SKAP1: variants seen among roughly 807,000 people sequenced by gnomAD.
SKAP1 encodes src kinase-associated phosphoprotein 1.
Under a neutral mutation model 58.5 loss-of-function variants are expected in SKAP1, and 44 were observed. The ratio of observed to expected loss-of-function variants is 0.75; its 90% CI spans 0.59 to 0.97. The LOEUF (loss-of-function observed/expected upper bound fraction) is 0.97, where lower values mean the gene tolerates loss of function less well. Among genes scored for constraint, SKAP1 ranks in the 50% least tolerant of loss-of-function variants. SKAP1 has a pLI of 0.00. For missense variants in SKAP1, 390 were observed against 435.2 expected (o/e 0.90, Z 0.92); for synonymous variants, 127 against 149.7 (o/e 0.85, Z 1.11).
At chr17:48,411,602 T>C (rs139290613) in intron 1 of SKAP1, among the ~76,000 whole-genome samples, 142 of 152,162 alleles carry the variant, frequency 9.3e-4, no homozygotes, top group Middle Eastern at 3.4e-3. Context: ...CACCTTACAA[T>C]AGAGAAACCT....
At position 48,348,565 on chromosome 17, in the gene SKAP1, C is replaced by T. The variant is rs894233116; in HGVS notation, c.179-2559G>A. On this transcript the variant is annotated intron_variant, in intron 3 of 12. Coordinates refer to ENST00000336915, the MANE Select transcript of SKAP1 (RefSeq NM_003726.4). ...TGTCAACTTCTTACATAATTGAGGT[C>T]TATCTGCCAAAACCAATAAATTAAC... 2.0e-5 allele frequency among the ~76,000 whole-genome samples: 3 copies of T among 152,130 alleles called. No individual in the cohort carries two copies. In the South Asian group the frequency reaches 6.2e-4, roughly 32 times the overall value.
At chr17:48,284,470 T>G (rs1598510061) in intron 4 of SKAP1, among the ~76,000 whole-genome samples, 1 of 152,174 alleles carries the variant, frequency 6.6e-6, no homozygotes, top group African/African-American at 2.4e-5. Flanking sequence ...TGGTGGGTTC[T>G]GCCAATTTCA....
chr17:48,302,004 T>A (rs1443965819), intron 4 of SKAP1, among the ~76,000 whole-genome samples: 1 of 152,230 alleles, frequency 6.6e-6, no homozygotes, highest in South Asian at 2.1e-4. Flanking sequence ...TTATTTTGAT[T>A]TTCTGTTGAG....
chr17:48,338,416 T>A (rs1219495352), intron 4 of SKAP1, among the ~76,000 whole-genome samples: 1 of 152,130 alleles, frequency 6.6e-6, no homozygotes, highest in African/African-American at 2.4e-5. Flanking sequence ...CCTCTCAAAG[T>A]TCTGGGATTA....
chr17:48,413,543 T>TATATATATATATATATATATATATATATA (rs1567905650), intron 1 of SKAP1, among the ~76,000 whole-genome samples: 9 of 117,718 alleles, frequency 7.6e-5, no homozygotes, highest in African/African-American at 1.8e-4. Flanking sequence ...TATATATATA[T>TATATATATATATATATATATATATATATA]TTGCTCTTCA....
intron 2 of SKAP1, among the ~76,000 whole-genome samples, chr17:48,380,915 C>T (rs929039730): frequency 5.9e-5 from 9 of 152,140 alleles, no homozygotes; most frequent in Non-Finnish European, 2.9e-5. Flanking sequence ...AAGCATATAT[C>T]CATAGAATGT....
intron 10 of SKAP1, among the ~76,000 whole-genome samples, chr17:48,166,395 G>T (rs2064140152): frequency 6.6e-6 from 1 of 152,202 alleles, no homozygotes; most frequent in South Asian, 2.1e-4. Context: ...AGGCCAAGTT[G>T]GTGCTACTGA....
At chr17:48,309,946 T>C (rs943195207) in intron 4 of SKAP1, among the ~76,000 whole-genome samples, 2 of 152,216 alleles carry the variant, frequency 1.3e-5, no homozygotes, top group Non-Finnish European at 2.9e-5. Context: ...AAGGAATCTT[T>C]GGGCAATGAC....
intron 4 of SKAP1, among the ~76,000 whole-genome samples, chr17:48,270,923 T>C (rs2065622608): frequency 7.2e-6 from 1 of 138,702 alleles, no homozygotes; most frequent in Non-Finnish European, 1.6e-5. Flanking sequence ...GAAGTGCTTT[T>C]AAAGGTAGTG....
At chr17:48,439,137 G>A in the SKAP1 span, among the ~76,000 whole-genome samples, 1 of 152,186 alleles carries the variant, frequency 6.6e-6, no homozygotes, top group Non-Finnish European at 1.5e-5. Flanking sequence ...AAAGAAAAGT[G>A]CCTTGTGGAT....
intron 4 of SKAP1, among the ~76,000 whole-genome samples, chr17:48,344,562 AC>A (rs1409079226): frequency 3.3e-5 from 5 of 152,342 alleles, no homozygotes; most frequent in Admixed American, 1.3e-4. Flanking sequence ...ATAATCAAAA[AC>A]AAATGAAAAG....
At chr17:48,218,933 A>G (rs556609240) in intron 4 of SKAP1, among the ~76,000 whole-genome samples, 70 of 152,320 alleles carry the variant, frequency 4.6e-4, no homozygotes, top group African/African-American at 1.5e-3. Context: ...GAACATGAAG[A>G]GTAGAAAGGA....
chr17:48,140,937 C>A (rs745894389), intron 11 of SKAP1, among the ~76,000 whole-genome samples: 8 of 152,002 alleles, frequency 5.3e-5, no homozygotes, highest in Non-Finnish European at 1.0e-4. Flanking sequence ...CAGGCACGTG[C>A]CACCATGGCC....
chr17:48,165,022 C>T (rs1315604536), intron 10 of SKAP1, among the ~76,000 whole-genome samples: 1 of 152,240 alleles, frequency 6.6e-6, no homozygotes, highest in Non-Finnish European at 1.5e-5. Flanking sequence ...CCACATTGGC[C>T]ACACATGAGC....
intron 4 of SKAP1, among the ~76,000 whole-genome samples, chr17:48,332,629 A>G (rs7222452): frequency 0.33 from 50,723 of 151,972 alleles, 9,161 homozygotes; most frequent in African/African-American, 0.47. Context: ...AAGATGCCAC[A>G]TTTTAAAAAT....
intron 10 of SKAP1, among the ~76,000 whole-genome samples, chr17:48,168,976 G>C (rs1567803018): frequency 1.3e-5 from 2 of 152,170 alleles, no homozygotes; most frequent in African/African-American, 4.8e-5. Flanking sequence ...AGAGCAAAAA[G>C]TCCTCCTGTT....
chr17:48,282,251 T>C (rs1158584185), intron 4 of SKAP1, among the ~76,000 whole-genome samples: 1 of 152,204 alleles, frequency 6.6e-6, no homozygotes, highest in African/African-American at 2.4e-5. Flanking sequence ...GTAGCTATCA[T>C]CCAGCTTCAA....
At chr17:48,191,614 T>C (rs578001398) in intron 4 of SKAP1, among the ~76,000 whole-genome samples, 147 of 152,348 alleles carry the variant, frequency 9.6e-4, no homozygotes, top group Admixed American at 1.9e-3. Flanking sequence ...CTACGACAAT[T>C]TAAAATGCAA....
At chr17:48,396,812 C>G in intron 1 of SKAP1, 27 bp from the exon 2 acceptor site, 1 of 1,541,480 alleles carries the variant, frequency 6.5e-7, no homozygotes, top group East Asian at 2.3e-5. Flanking sequence ...GTTGATAAAA[C>G]AGAAAAGATG....
Sources: gnomAD v4.1 joint callset for allele counts (sites outside exome capture counted in the v4.1 genomes callset) on GRCh38, gnomAD v4.1.1 for gene constraint, MANE v1.5 for transcripts, NCBI Gene and HGNC (gene_info 2026-07-23, HGNC 2026-07-21) for gene names.